The following MED12L variants were observed in gnomAD, a reference collection of about 807,000 sequenced individuals.
MED12L encodes the protein mediator of RNA polymerase II transcription subunit 12-like protein.
A neutral mutation model predicts 281.3 loss-of-function variants in MED12L; 60 were observed. The observed-to-expected ratio is 0.21, with a 90% confidence interval of 0.17 to 0.26. The LOEUF is 0.26. Ranked by LOEUF, MED12L falls within the 10% of genes least tolerant of loss-of-function variation. The pLI is 1.00. For synonymous variants in MED12L, 974 were observed against 987.2 expected, an observed-to-expected ratio of 0.99 and a Z score of 0.25; for missense variants, 2,146 against 2,680.9, an observed-to-expected ratio of 0.80 and a Z score of 4.41.
At chr3:151,123,455 G>A (rs192671890) in intron 4 of MED12L, among the ~76,000 whole-genome samples, 59 of 152,244 alleles carry the variant, frequency 3.9e-4, no homozygotes, top group African/African-American at 1.4e-3. Context: ...GAACAAAATG[G>A]GCAGGTTTAT....
intron 16 of MED12L, among the ~76,000 whole-genome samples, chr3:151,225,289 A>G (rs12636178): frequency 0.32 from 48,277 of 152,050 alleles, 7,770 homozygotes; most frequent in Non-Finnish European, 0.34. Flanking sequence ...GTGTTAGTCT[A>G]TTGTCTGCTG....
chr3:151,118,575 A>G (rs1212807300), intron 3 of MED12L, among the ~76,000 whole-genome samples: 1 of 152,110 alleles, frequency 6.6e-6, no homozygotes. Context: ...TTTTAAGTGT[A>G]CAGTTCTTGG....
At chr3:151,316,007 T>G (rs1236750708) in intron 16 of MED12L, among the ~76,000 whole-genome samples, 1 of 152,216 alleles carries the variant, frequency 6.6e-6, no homozygotes, top group Non-Finnish European at 1.5e-5. Context: ...AGTTTGAATG[T>G]GGAACAACAG....
At chr3:151,245,985 CAGAG>C (rs1260637604) in intron 16 of MED12L, among the ~76,000 whole-genome samples, 9 of 150,796 alleles carry the variant, frequency 6.0e-5, no homozygotes, top group Non-Finnish European at 1.2e-4. Context: ...AACAGACAAA[CAGAG>C]AGCCAAATCA....
chr3:151,335,772 C>T (rs961883667), intron 16 of MED12L, among the ~76,000 whole-genome samples: 2 of 152,092 alleles, frequency 1.3e-5, no homozygotes, highest in Non-Finnish European at 2.9e-5. Flanking sequence ...TGTCTAAGGT[C>T]TCTGAATAAA....
At chr3:151,299,316 C>T (rs770704626) in intron 16 of MED12L, among the ~76,000 whole-genome samples, 2 of 148,006 alleles carry the variant, frequency 1.4e-5, no homozygotes, top group African/African-American at 5.0e-5. Context: ...CTGCCTAGGT[C>T]GGTCTTTCTT....
chr3:151,328,674 A>C (rs563913195), intron 16 of MED12L: 4 of 1,613,886 alleles, frequency 2.5e-6, no homozygotes, highest in Admixed American at 1.7e-5. Flanking sequence ...ATGCCCACAT[A>C]CATGGTCTCA....
chr3:151,239,214 C>A (rs1733578084), intron 16 of MED12L, among the ~76,000 whole-genome samples: 1 of 152,106 alleles, frequency 6.6e-6, no homozygotes, highest in South Asian at 2.1e-4. Context: ...TAAAATTGGG[C>A]ATAAGTAAAA....
chr3:151,225,520 T>C (rs1474653610), intron 16 of MED12L, among the ~76,000 whole-genome samples: 1 of 152,136 alleles, frequency 6.6e-6, no homozygotes, highest in East Asian at 1.9e-4. Context: ...GCTATCATGA[T>C]CTAATCATCT....
At chr3:151,189,470 C>T (rs1013286923) in intron 13 of MED12L, among the ~76,000 whole-genome samples, 1 of 152,118 alleles carries the variant, frequency 6.6e-6, no homozygotes, top group Non-Finnish European at 1.5e-5. Context: ...TACCTTGTAC[C>T]CTGGGGGAGA....
chr3:151,163,841 T>C, intron 8 of MED12L, 52 bp from the exon 9 acceptor site: 1 of 1,570,538 alleles, frequency 6.4e-7, no homozygotes, highest in African/African-American at 1.3e-5. Flanking sequence ...TTAGCTATTG[T>C]TATGCTTTTC....
At chr3:151,307,530 G>C (rs1380559387) in intron 16 of MED12L, among the ~76,000 whole-genome samples, 2 of 122,210 alleles carry the variant, frequency 1.6e-5, no homozygotes, top group Non-Finnish European at 3.2e-5. Flanking sequence ...CAGGTAACTT[G>C]CTCTGTGTGT....
chr3:151,305,588 C>G (rs1746530785), intron 16 of MED12L, among the ~76,000 whole-genome samples: 1 of 152,080 alleles, frequency 6.6e-6, no homozygotes, highest in African/African-American at 2.4e-5. Flanking sequence ...GAGATTCAGA[C>G]AGTTTAATTA....
intron 16 of MED12L, 120 bp downstream of exon 16, chr3:151,193,786 C>A: frequency 2.4e-6 from 2 of 833,190 alleles, no homozygotes; most frequent in Non-Finnish European, 3.7e-6. Flanking sequence ...GAGTTTTTTG[C>A]ATTTGCTCCT....
At chr3:151,141,166 G>GTTTTTTTTTTTTTTTTTTTTTTTT (rs750239134) in intron 5 of MED12L, among the ~76,000 whole-genome samples, 5 of 98,112 alleles carry the variant, frequency 5.1e-5, no homozygotes, top group African/African-American at 2.7e-4. Context: ...CGTGCCTGGC[G>GTTTTTTTTTTTTTTTTTTTTTTTT]TTTTTTTTTT....
intron 42 of MED12L, among the ~76,000 whole-genome samples, chr3:151,415,217 G>C (rs1371972881): frequency 6.6e-6 from 1 of 152,102 alleles, no homozygotes; most frequent in Non-Finnish European, 1.5e-5. Context: ...ATGTCCTTCT[G>C]GTAATTTTTT....
chr3:151,381,447 G>T (rs1440940134), intron 32 of MED12L, among the ~76,000 whole-genome samples: 4 of 152,166 alleles, frequency 2.6e-5, no homozygotes, highest in Non-Finnish European at 4.4e-5. Context: ...TCTCCTACCA[G>T]TCATGGCCCT....
intron 16 of MED12L, chr3:151,338,034 G>GT (rs1560045498): frequency 6.2e-7 from 1 of 1,614,108 alleles, no homozygotes; most frequent in East Asian, 2.2e-5. Context: ...ATTTTCAGCA[G>GT]TGCAGTCAAA....
intron 5 of MED12L, among the ~76,000 whole-genome samples, chr3:151,135,901 G>A (rs532162478): frequency 1.4e-4 from 22 of 152,328 alleles, no homozygotes; most frequent in African/African-American, 5.1e-4. Flanking sequence ...ATTCTGCCTA[G>A]GAATTTTTGG....
Sources: allele counts gnomAD v4.1 joint callset (sites outside exome capture counted in the v4.1 genomes callset), GRCh38; gene constraint gnomAD v4.1.1; transcripts MANE v1.5; gene names NCBI Gene and HGNC (gene_info 2026-07-23, HGNC 2026-07-21).